The following CRB1 variants were observed in gnomAD, a reference collection of about 807,000 sequenced individuals.
CRB1 encodes the protein crumbs cell polarity complex component 1.
A neutral mutation model predicts 120.0 loss-of-function variants in CRB1; 83 were observed. The ratio of observed to expected loss-of-function variants is 0.69; its 90% CI spans 0.58 to 0.83. CRB1 has a LOEUF of 0.83. Ranked by LOEUF, CRB1 falls within the 40% of genes least tolerant of loss-of-function variation. The pLI is 0.00. For synonymous variants in CRB1, 625 were observed against 612.5 expected (o/e 1.02, Z -0.30); for missense variants, 1,699 against 1,687.6 (o/e 1.01, Z -0.12).
chr1:197,206,764 T>A, the CRB1 span, among the ~76,000 whole-genome samples: 1 of 152,164 alleles, frequency 6.6e-6, no homozygotes, highest in Non-Finnish European at 1.5e-5. Context: ...TGTTCTAAAG[T>A]ATAGTTTAAA....
chr1:197,354,627 C>T (rs1329387918), intron 4 of CRB1, among the ~76,000 whole-genome samples: 1 of 152,022 alleles, frequency 6.6e-6, no homozygotes, highest in East Asian at 1.9e-4. Flanking sequence ...TTGTTGGTCT[C>T]AGGAGTGAAG....
At position 197,435,667 on chromosome 1, in the gene CRB1, G is replaced by C. The variant is rs994820262; in HGVS notation, c.3749+55G>C. ...CTTTGAAGCTATACTCTGCATCACT[G>C]TTCTTGTCAAATTGGAAAGCTCTCT... On this transcript the variant is annotated intron_variant, in intron 9 of 11. Transcript: ENST00000367400. 23 of 1,469,740 alleles carry C rather than the reference G, an allele frequency of 1.6e-5. No individual in the cohort carries two copies. The African/African-American group carries it at 2.8e-4, about 18-fold the overall frequency. The allele number at this position is 1,469,740 out of a possible 1,614,324, so 91.0% of individuals were successfully genotyped here.
intron 4 of CRB1, among the ~76,000 whole-genome samples, chr1:197,351,187 C>CAAAAAAAAAAAAAAAAAA (rs780090689): frequency 3.5e-5 from 3 of 85,390 alleles, no homozygotes; most frequent in African/African-American, 4.7e-5. Flanking sequence ...ACTAAAAATA[C>CAAAAAAAAAAAAAAAAAA]AAAAAAAAAA....
chr1:197,356,990 G>C lies in CRB1; in HGVS notation c.1148G>C (p.Cys383Ser), dbSNP rs62645754. The change falls in exon 5 of 12, where the codon TGT becomes TCT. Residue 383 changes from cysteine (C) to serine (S), a missense_variant. Transcript: ENST00000367400. ...FSYHEASGYV[C>S]ICQPGFTGIH... The stretch of plus-strand genomic sequence containing the variant: ...TACCATGAAGCCTCAGGTTATGTCT[G>C]TATCTGTCAGCCTGGATTCACAGGT... 1 of 1,614,192 alleles carries C rather than the reference G, an allele frequency of 6.2e-7. No homozygotes were observed. Among genetic ancestry groups the C allele is most frequent in the Non-Finnish European group, 8.5e-7 (1 of 1,180,034 alleles).
At chr1:197,424,297 G>A (rs763963499) in intron 6 of CRB1, among the ~76,000 whole-genome samples, 1 of 152,054 alleles carries the variant, frequency 6.6e-6, no homozygotes, top group Non-Finnish European at 1.5e-5. Context: ...AATAGGATTT[G>A]CCCGTAGCTT....
chr1:197,438,481 C>T (rs1305715383), intron 9 of CRB1, 66 bp from the exon 10 acceptor site: 3 of 1,597,002 alleles, frequency 1.9e-6, no homozygotes, highest in Non-Finnish European at 2.6e-6. Flanking sequence ...ATGAATTTAT[C>T]AGAAAACTTT....
At chr1:197,267,602 A>G (rs908887853), upstream of CRB1, among the ~76,000 whole-genome samples, 5 of 152,236 alleles carry the variant, frequency 3.3e-5, no homozygotes, top group African/African-American at 1.2e-4. Context: ...TAATTAATGG[A>G]TGTTTTCATG....
intron 5 of CRB1, among the ~76,000 whole-genome samples, chr1:197,398,891 ATTGT>A (rs750425821): frequency 2.5e-5 from 2 of 78,566 alleles, no homozygotes; most frequent in Admixed American, 1.3e-4. Flanking sequence ...TCAGGAAATG[ATTGT>A]GTGTGTGTGT....
intron 1 of CRB1, among the ~76,000 whole-genome samples, chr1:197,284,563 A>C (rs1655715380): frequency 6.6e-6 from 1 of 151,888 alleles, no homozygotes; most frequent in Admixed American, 6.6e-5. Context: ...ATTTCCATGG[A>C]ACTCTCATTT....
At chr1:197,457,423 G>A (rs961067023) in intron 11 of CRB1, among the ~76,000 whole-genome samples, 1 of 152,112 alleles carries the variant, frequency 6.6e-6, no homozygotes, top group Admixed American at 6.6e-5. Flanking sequence ...AGAAGTTGGA[G>A]CCACGCTTTC....
intron 5 of CRB1, among the ~76,000 whole-genome samples, chr1:197,386,494 T>C (rs1376279886): frequency 6.6e-6 from 1 of 152,168 alleles, no homozygotes; most frequent in African/African-American, 2.4e-5. Context: ...CATCTCTGCA[T>C]GCAAAGTAGA....
chr1:197,279,307 A>G (rs1655391018), intron 1 of CRB1, among the ~76,000 whole-genome samples: 1 of 151,854 alleles, frequency 6.6e-6, no homozygotes, highest in African/African-American at 2.4e-5. Flanking sequence ...CAAACACAAT[A>G]TTGCAAGGAG....
chr1:197,273,220 A>G (rs1655005377), intron 1 of CRB1, among the ~76,000 whole-genome samples: 2 of 152,080 alleles, frequency 1.3e-5, no homozygotes, highest in South Asian at 2.1e-4. Context: ...GATTCTCCCA[A>G]TATTGGAGTT....
chr1:197,387,637 A>G (rs1418291983), intron 5 of CRB1, among the ~76,000 whole-genome samples: 3 of 152,046 alleles, frequency 2.0e-5, no homozygotes, highest in Non-Finnish European at 4.4e-5. Flanking sequence ...AAAGGAAATG[A>G]ATGATTATTT....
chr1:197,364,118 G>A (rs1660936791), intron 5 of CRB1: 1 of 899,296 alleles, frequency 1.1e-6, no homozygotes. Context: ...GAGGCTTGTG[G>A]ATGGGACACC....
intron 1 of CRB1, among the ~76,000 whole-genome samples, chr1:197,295,036 C>G (rs1308353419): frequency 2.6e-5 from 4 of 151,902 alleles, no homozygotes; most frequent in Non-Finnish European, 5.9e-5. Context: ...GCACATGTAC[C>G]CTAGAACTTA....
chr1:197,392,431 T>C (rs1002640737), intron 5 of CRB1, among the ~76,000 whole-genome samples: 4 of 152,116 alleles, frequency 2.6e-5, no homozygotes, highest in Non-Finnish European at 5.9e-5. Context: ...TAGGAACTGA[T>C]ACTATAAAGG....
At chr1:197,379,287 A>ATT (rs1661811152) in intron 5 of CRB1, among the ~76,000 whole-genome samples, 6 of 151,990 alleles carry the variant, frequency 3.9e-5, no homozygotes, top group Admixed American at 2.6e-4. Context: ...TTTAAAAATC[A>ATT]TTTTTCTTTT....
intron 1 of CRB1, among the ~76,000 whole-genome samples, chr1:197,296,666 C>T (rs1032938950): frequency 2.0e-5 from 3 of 152,132 alleles, no homozygotes; most frequent in Admixed American, 2.0e-4. Context: ...GTGTCCCCAC[C>T]CAAATATCAT....
Sources: allele counts gnomAD v4.1 joint callset (sites outside exome capture counted in the v4.1 genomes callset), GRCh38; gene constraint gnomAD v4.1.1; transcripts MANE v1.5; gene names NCBI Gene and HGNC (gene_info 2026-07-23, HGNC 2026-07-21).